Variants in ECT2L observed in about 807,000 individuals in gnomAD.
ECT2L encodes the protein epithelial cell-transforming sequence 2 oncogene-like.
ECT2L carries 126 observed loss-of-function variants against 122.8 expected under a neutral mutation model. That is an observed-to-expected ratio of 1.03 (90% CI 0.89 to 1.19). ECT2L has a LOEUF of 1.19. Among genes scored for constraint, ECT2L ranks in the 50% most tolerant of loss-of-function variants. ECT2L has a pLI of 0.00. For synonymous variants in ECT2L, 385 were observed against 381.8 expected, an observed-to-expected ratio of 1.01 and a Z score of -0.10; for missense variants, 1,012 against 1,064.1, an observed-to-expected ratio of 0.95 and a Z score of 0.68.
intron 1 of ECT2L, among the ~76,000 whole-genome samples, chr6:138,798,143 C>T (rs753675623): frequency 2.6e-5 from 4 of 152,180 alleles, no homozygotes; most frequent in Non-Finnish European, 5.9e-5. Context: ...TCCACATGTT[C>T]AGCTATCCCA....
chr6:138,830,441 A>C (rs752788920), intron 4 of ECT2L, among the ~76,000 whole-genome samples: 17 of 152,126 alleles, frequency 1.1e-4, no homozygotes, highest in Non-Finnish European at 2.2e-4. Flanking sequence ...CATTTTGCAA[A>C]AAGGGATGTC....
At chr6:138,881,801 C>T (rs1203634007) in intron 15 of ECT2L, among the ~76,000 whole-genome samples, 1 of 152,062 alleles carries the variant, frequency 6.6e-6, no homozygotes, top group African/African-American at 2.4e-5. Context: ...GTAATGCAAG[C>T]AACAGGGAGC....
Position 138,843,185 on chromosome 6 carries a change from A to T in ECT2L, c.549A>T (p.Glu183Asp). Residue 183 changes from glutamate to aspartate, a missense_variant, in exon 6 of 22, where the codon GAA becomes GAT. Glu to Asp is a conservative substitution (Grantham distance 45). Transcript: ENST00000541398. The stretch of plus-strand genomic sequence containing the variant: ...AGGAACTACTGGAGAGACAAAGAGA[A>T]AAGTGCCTGAGGAAAAGAATTTGGG... Reference protein sequence around the residue: ...EDEELLERQREKCLRKRIWEK... With the variant: ...EDEELLERQRDKCLRKRIWEK... 1 of 1,612,462 alleles carries T rather than the reference A, an allele frequency of 6.2e-7. No individual in the cohort carries two copies. Among genetic ancestry groups the T allele is most frequent in the Non-Finnish European group, 8.5e-7 (1 of 1,179,122 alleles).
intron 13 of ECT2L, among the ~76,000 whole-genome samples, chr6:138,871,557 G>A (rs59326858): frequency 0.019 from 2,879 of 152,224 alleles, 99 homozygotes; most frequent in African/African-American, 0.065. Context: ...TGTAATCCCA[G>A]CCCTTTGGGA....
intron 10 of ECT2L, among the ~76,000 whole-genome samples, chr6:138,858,310 C>T (rs1021926486): frequency 6.6e-6 from 1 of 152,134 alleles, no homozygotes; most frequent in Non-Finnish European, 1.5e-5. Flanking sequence ...AAATCAAACC[C>T]TTGATTGCCT....
intron 14 of ECT2L, 82 bp from the exon 15 acceptor site, chr6:138,880,875 G>A: frequency 8.2e-7 from 1 of 1,223,290 alleles, no homozygotes; most frequent in Admixed American, 1.9e-5. Flanking sequence ...AAACCAGCAA[G>A]GGGGGTCTCC....
At chr6:138,821,175 C>T (rs1253345483) in intron 4 of ECT2L, among the ~76,000 whole-genome samples, 1 of 152,216 alleles carries the variant, frequency 6.6e-6, no homozygotes, top group Non-Finnish European at 1.5e-5. Flanking sequence ...AAATTTGTCC[C>T]AGTTCTGTGG....
intron 1 of ECT2L, among the ~76,000 whole-genome samples, chr6:138,809,712 G>T (rs1459027598): frequency 6.6e-6 from 1 of 151,968 alleles, no homozygotes; most frequent in African/African-American, 2.4e-5. Flanking sequence ...CTTGGGTTTT[G>T]GTGTTAAGAT....
chr6:138,885,851 T>A, intron 18 of ECT2L, 21 bp downstream of exon 18: 5 of 1,607,050 alleles, frequency 3.1e-6, no homozygotes, highest in Non-Finnish European at 4.3e-6. Context: ...GATAAGAATC[T>A]GTGTCCTTTA....
At chr6:138,893,548 G>A (rs762447609) in intron 20 of ECT2L, among the ~76,000 whole-genome samples, 3 of 151,926 alleles carry the variant, frequency 2.0e-5, no homozygotes, top group African/African-American at 4.8e-5. Flanking sequence ...AGCCTCCTGA[G>A]TAGCTGGGAT....
chr6:138,881,942 T>C (rs1582653509), intron 15 of ECT2L, among the ~76,000 whole-genome samples: 1 of 152,048 alleles, frequency 6.6e-6, no homozygotes, highest in African/African-American at 2.4e-5. Flanking sequence ...CTGTAACCAA[T>C]AGACTGTCCA....
At chr6:138,825,181 G>C (rs929712585) in intron 4 of ECT2L, among the ~76,000 whole-genome samples, 13 of 152,186 alleles carry the variant, frequency 8.5e-5, no homozygotes, top group African/African-American at 3.1e-4. Flanking sequence ...GACAAGCAAA[G>C]ACTCAGAGAA....
At position 138,885,450 on chromosome 6, in the gene ECT2L, C is replaced by A. The variant is rs984434146; in HGVS notation, c.2029-56C>A. ...CATAGATCATGCTTGCTCAGTGGAA[C>A]AGTGGACTTTACAACTATCTCATAA... is the stretch of plus-strand genomic sequence containing the variant. On this transcript the variant is annotated intron_variant, in intron 16 of 21. Transcript: ENST00000541398. 4 of 1,550,346 alleles carry A rather than the reference C, an allele frequency of 2.6e-6. No individual in the cohort carries two copies. The African/African-American group carries it at 5.4e-5, about 21-fold the overall frequency.
Position 138,881,197 on chromosome 6 carries a change from T to A in ECT2L, c.1880+26T>A, listed in dbSNP as rs183566138. On this transcript the variant is annotated intron_variant, in intron 15 of 21. Transcript: ENST00000541398. Reference sequence around the variant, plus strand: ...GTAAACCCTGAATATGTATTTTTTTTAATATTCATTGTGCACTGAGAAGAG... The same window carrying A: ...GTAAACCCTGAATATGTATTTTTTTAAATATTCATTGTGCACTGAGAAGAG... The A allele has an allele frequency of 5.7e-4, 910 of 1,592,406 alleles. 9 individuals carry two copies. In the East Asian group the frequency reaches 0.019, roughly 33 times the overall value.
At chr6:138,892,038 T>C (rs1399035078) in intron 20 of ECT2L, among the ~76,000 whole-genome samples, 1 of 152,232 alleles carries the variant, frequency 6.6e-6, no homozygotes, top group Non-Finnish European at 1.5e-5. Context: ...TTCTTCTGTC[T>C]CTCTTCATCT....
chr6:138,884,157 T>G (rs1010577242), intron 16 of ECT2L, among the ~76,000 whole-genome samples: 1 of 151,622 alleles, frequency 6.6e-6, no homozygotes, highest in Admixed American at 6.6e-5. Flanking sequence ...TGGGCCACCA[T>G]GCCAGCCAAT....
At chr6:138,826,648 C>T (rs1248744212) in intron 4 of ECT2L, among the ~76,000 whole-genome samples, 1 of 152,060 alleles carries the variant, frequency 6.6e-6, no homozygotes, top group Non-Finnish European at 1.5e-5. Flanking sequence ...GCCTAGGCAA[C>T]AGACACTCCA....
intron 11 of ECT2L, 105 bp from the exon 12 acceptor site, chr6:138,864,891 A>G: frequency 9.3e-7 from 1 of 1,071,874 alleles, no homozygotes; most frequent in South Asian, 1.8e-5. Context: ...AACGATAATA[A>G]ACTCAATACA....
At position 138,903,629 on chromosome 6, in the gene ECT2L, A is replaced by G. The variant is rs1224784236; in HGVS notation, c.*1002A>G. The G allele has an allele frequency of 6.6e-6, 1 of 152,238 alleles. No individual in the cohort carries two copies. The highest frequency in any genetic ancestry group is 1.9e-4 in the East Asian group (1 of 5,206). The allele number at this position is 152,238 out of a possible 1,614,324, so 9.4% of individuals were successfully genotyped here. A position where few individuals can be genotyped will look rare whatever the true frequency, so the allele number is the denominator to read the frequency against. On this transcript the variant is annotated 3_prime_UTR_variant, in exon 22 of 22. Coordinates refer to ENST00000541398, the MANE Select transcript of ECT2L (RefSeq NM_001077706.3). ...AAAACAAAACTAAATGGAAACAGCA[A>G]AACTTGCTTGTAATGAAATACAGCT...
Sources: allele counts gnomAD v4.1 joint callset (sites outside exome capture counted in the v4.1 genomes callset), GRCh38; gene constraint gnomAD v4.1.1; transcripts MANE v1.5; gene names NCBI Gene and HGNC (gene_info 2026-07-23, HGNC 2026-07-21).